The following CUL3 variants were observed in gnomAD, a reference collection of about 807,000 sequenced individuals.
CUL3 encodes cullin 3.
In CUL3, 19 loss-of-function variants were observed where a neutral mutation model predicts 89.1. That is an observed-to-expected ratio of 0.21 (90% confidence interval 0.15 to 0.31). CUL3 has a LOEUF of 0.31. Ranked by LOEUF, CUL3 falls within the 10% of genes least tolerant of loss-of-function variation. The pLI is 1.00. For synonymous variants in CUL3, 351 were observed against 308.4 expected, an observed-to-expected ratio of 1.14 and a Z score of -1.45; for missense variants, 469 against 942.3, an observed-to-expected ratio of 0.50 and a Z score of 6.58.
chr2:224,503,157 T>C (rs1692455219), intron 9 of CUL3, 85 bp from the exon 10 acceptor site: 1 of 881,560 alleles, frequency 1.1e-6, no homozygotes, highest in Non-Finnish European at 1.9e-6. Context: ...TATTTCATGT[T>C]ATTGCTATCC....
At chr2:224,546,756 A>C (rs1193110069) in intron 2 of CUL3, among the ~76,000 whole-genome samples, 2 of 152,092 alleles carry the variant, frequency 1.3e-5, no homozygotes, top group Non-Finnish European at 2.9e-5. Context: ...TGTTAAAACA[A>C]CACTTTTAAG....
chr2:224,509,477 A>C (rs1000529537), intron 6 of CUL3, among the ~76,000 whole-genome samples: 2 of 152,214 alleles, frequency 1.3e-5, no homozygotes, highest in East Asian at 1.9e-4. Context: ...TCAGCCTCCC[A>C]AAAATACTGA....
chr2:224,501,071 A>G (rs1403808571), intron 10 of CUL3, among the ~76,000 whole-genome samples: 1 of 152,216 alleles, frequency 6.6e-6, no homozygotes, highest in African/African-American at 2.4e-5. Flanking sequence ...TCTTACTGTT[A>G]TCACTGAGAA....
chr2:224,537,706 G>A (rs908463162), intron 2 of CUL3, among the ~76,000 whole-genome samples: 5 of 152,006 alleles, frequency 3.3e-5, no homozygotes, highest in Non-Finnish European at 5.9e-5. Flanking sequence ...AAAAAAATAC[G>A]TATTTCAAAC....
intron 3 of CUL3, among the ~76,000 whole-genome samples, chr2:224,516,561 C>T (rs553308650): frequency 1.7e-4 from 26 of 152,088 alleles, no homozygotes; most frequent in African/African-American, 6.0e-4. Context: ...GTGATCTGCC[C>T]GCCTTGGCCT....
At chr2:224,524,041 C>T (rs1052574955) in intron 3 of CUL3, among the ~76,000 whole-genome samples, 11 of 152,074 alleles carry the variant, frequency 7.2e-5, no homozygotes, top group African/African-American at 2.7e-4. Flanking sequence ...CTGAACTGCA[C>T]ACTTAAGGGT....
chr2:224,494,022 T>C (rs1692078409), intron 13 of CUL3, among the ~76,000 whole-genome samples: 1 of 152,154 alleles, frequency 6.6e-6, no homozygotes, highest in South Asian at 2.1e-4. Flanking sequence ...TGGAAATCCA[T>C]AAGAAAAACT....
intron 7 of CUL3, 27 bp downstream of exon 7, chr2:224,506,829 AAC>A (rs1424959073): frequency 6.2e-7 from 1 of 1,608,300 alleles, no homozygotes; most frequent in Admixed American, 1.7e-5. Flanking sequence ...CTTTATCATA[AAC>A]ACAGAGAATC....
In CUL3 at chr2:224,585,069, T is replaced by A; in HGVS notation, c.-60A>T. The A allele has an allele frequency of 7.2e-7, 1 of 1,380,274 alleles. No homozygotes were observed. Among genetic ancestry groups the A allele is most frequent in the Admixed American group, 2.2e-5 (1 of 45,586 alleles). The allele number at this position is 1,380,274 out of a possible 1,614,324, so 85.5% of individuals were successfully genotyped here. ...CGCGCTCCGCGACGCCGGTGTCACA[T>A]TTAAGGCGGGCAGGCAGGCTAGGGG... is the stretch of plus-strand genomic sequence containing the variant. On this transcript the variant is annotated 5_prime_UTR_variant, in exon 1 of 16. The change abolishes an upstream ATG in the 5' untranslated region. Coordinates refer to ENST00000264414, the MANE Select transcript of CUL3 (RefSeq NM_003590.5).
chr2:224,566,476 T>C (rs1028316259), intron 1 of CUL3, among the ~76,000 whole-genome samples: 1 of 152,254 alleles, frequency 6.6e-6, no homozygotes, highest in East Asian at 1.9e-4. Flanking sequence ...TCTCCTTTAC[T>C]AGTCAATATC....
At chr2:224,552,145 T>A (rs1168227746) in intron 2 of CUL3, among the ~76,000 whole-genome samples, 1 of 152,216 alleles carries the variant, frequency 6.6e-6, no homozygotes, top group South Asian at 2.1e-4. Context: ...CAGGATACCT[T>A]TGACACTTTG....
At chr2:224,579,586 G>A (rs1695387976) in intron 1 of CUL3, among the ~76,000 whole-genome samples, 1 of 152,082 alleles carries the variant, frequency 6.6e-6, no homozygotes. Context: ...AATGTGAGTC[G>A]CCCTGTATGT....
intron 3 of CUL3, among the ~76,000 whole-genome samples, chr2:224,521,058 T>C (rs1005455627): frequency 5.9e-5 from 9 of 152,100 alleles, no homozygotes; most frequent in African/African-American, 1.4e-4. Flanking sequence ...TAAAAACAAA[T>C]GTGAAAATTA....
intron 3 of CUL3, 70 bp from the exon 4 acceptor site, chr2:224,514,842 CAAAT>C (rs1213915367): frequency 1.1e-5 from 12 of 1,070,522 alleles, no homozygotes; most frequent in African/African-American, 3.2e-5. Flanking sequence ...GCTACAATAA[CAAAT>C]AAAGGAAATA....
At chr2:224,561,608 A>T (rs1001952330) in intron 1 of CUL3, among the ~76,000 whole-genome samples, 1 of 152,156 alleles carries the variant, frequency 6.6e-6, no homozygotes, top group Non-Finnish European at 1.5e-5. Context: ...CTTTTACCGA[A>T]ATCCTATCCA....
intron 3 of CUL3, among the ~76,000 whole-genome samples, chr2:224,532,051 T>A (rs1574664080): frequency 6.6e-6 from 1 of 152,346 alleles, no homozygotes; most frequent in Admixed American, 6.5e-5. Flanking sequence ...CAGGTTTCAG[T>A]ATGATAGTGA....
intron 1 of CUL3, among the ~76,000 whole-genome samples, chr2:224,559,034 C>A (rs1215627918): frequency 6.7e-6 from 1 of 149,966 alleles, no homozygotes; most frequent in East Asian, 2.0e-4. Context: ...CCAGCCTGGG[C>A]AACAGAGCAA....
intron 13 of CUL3, among the ~76,000 whole-genome samples, chr2:224,489,726 T>G (rs892452281): frequency 6.6e-6 from 1 of 152,026 alleles, no homozygotes; most frequent in Non-Finnish European, 1.5e-5. Flanking sequence ...AAAAAACTAC[T>G]CATAAGACCC....
chr2:224,563,517 G>C (rs188751539), intron 1 of CUL3, among the ~76,000 whole-genome samples: 7 of 152,288 alleles, frequency 4.6e-5, no homozygotes, highest in Admixed American at 4.6e-4. Context: ...ATATCTTAAA[G>C]AAGATAAACT....
Sources: allele counts gnomAD v4.1 joint callset (sites outside exome capture counted in the v4.1 genomes callset), GRCh38; gene constraint gnomAD v4.1.1; transcripts MANE v1.5; gene names NCBI Gene and HGNC (gene_info 2026-07-23, HGNC 2026-07-21).